The following RFC3 variants were observed in gnomAD, a reference collection of about 807,000 sequenced individuals.
RFC3 encodes the protein A1 38 kDa subunit.
In RFC3, 41 loss-of-function variants were observed where a neutral mutation model predicts 45.1. The ratio of observed to expected loss-of-function variants is 0.91; its 90% confidence interval spans 0.71 to 1.18. The LOEUF (loss-of-function observed/expected upper bound fraction) is 1.18, where lower values mean the gene tolerates loss of function less well. Among genes scored for constraint, RFC3 ranks in the 50% most tolerant of loss-of-function variants. The pLI is 0.00. For synonymous variants in RFC3, 149 were observed against 144.0 expected, an observed-to-expected ratio of 1.03 and a Z score of -0.25; for missense variants, 423 against 428.1, an observed-to-expected ratio of 0.99 and a Z score of 0.10.
At chr13:33,930,554 C>T (rs868192429) in intron 8 of RFC3, among the ~76,000 whole-genome samples, 2 of 152,112 alleles carry the variant, frequency 1.3e-5, no homozygotes, top group African/African-American at 4.8e-5. Flanking sequence ...GGGTCTGTCT[C>T]TCTGAGTCCA....
At chr13:33,917,604 G>C (rs887237208) in intron 8 of RFC3, among the ~76,000 whole-genome samples, 4 of 152,072 alleles carry the variant, frequency 2.6e-5, no homozygotes, top group African/African-American at 2.4e-5. Context: ...AGCACAACCT[G>C]GTGGTCGTGG....
intron 6 of RFC3, 149 bp downstream of exon 6, chr13:33,831,004 G>A (rs2082097273): frequency 1.5e-6 from 1 of 668,488 alleles, no homozygotes; most frequent in Admixed American, 3.0e-5. Context: ...AGATTATTAA[G>A]CATTAGATTT....
chr13:33,960,785 A>G (rs1028230422), intron 8 of RFC3, among the ~76,000 whole-genome samples: 1 of 152,208 alleles, frequency 6.6e-6, no homozygotes, highest in Non-Finnish European at 1.5e-5. Context: ...CTCATGCCCC[A>G]GATGGAGACC....
At chr13:33,911,383 CTCTT>C (rs1452453065) in intron 8 of RFC3, among the ~76,000 whole-genome samples, 1 of 152,050 alleles carries the variant, frequency 6.6e-6, no homozygotes, top group Non-Finnish European at 1.5e-5. Context: ...ATGACTTATA[CTCTT>C]TCTTAACTAG....
chr13:33,964,192 A>G (rs981836597), intron 8 of RFC3, among the ~76,000 whole-genome samples: 6 of 152,234 alleles, frequency 3.9e-5, no homozygotes, highest in Admixed American at 2.0e-4. Flanking sequence ...ATGTGTATTT[A>G]TAAAGGAGGC....
intron 8 of RFC3, among the ~76,000 whole-genome samples, chr13:33,882,769 A>G (rs1479698841): frequency 6.6e-6 from 1 of 152,232 alleles, no homozygotes; most frequent in Non-Finnish European, 1.5e-5. Flanking sequence ...CTTCTTTTAT[A>G]TTCACACTTT....
chr13:33,846,419 A>G (rs2082237211), intron 8 of RFC3: 1 of 152,282 alleles, frequency 6.6e-6, no homozygotes, highest in Non-Finnish European at 1.5e-5. Flanking sequence ...AGGTCCTGGA[A>G]TGAGGCCCTC....
chr13:33,976,868 T>C, the RFC3 span, among the ~76,000 whole-genome samples: 16 of 151,910 alleles, frequency 1.1e-4, no homozygotes, highest in African/African-American at 3.9e-4. Flanking sequence ...GAGTTTAGCA[T>C]GAAAAAGGGA....
downstream of RFC3, among the ~76,000 whole-genome samples, chr13:33,837,894 G>T (rs2082169825): frequency 6.6e-6 from 1 of 151,138 alleles, no homozygotes; most frequent in Non-Finnish European, 1.5e-5. Context: ...TGATATTTTA[G>T]GTTTTCATTT....
chr13:33,957,504 T>TA (rs1242638200), intron 8 of RFC3, among the ~76,000 whole-genome samples: 18 of 152,176 alleles, frequency 1.2e-4, no homozygotes, highest in African/African-American at 4.3e-4. Flanking sequence ...CCGTACCACT[T>TA]ATGACTACTG....
chr13:33,936,609 G>A (rs905383277), intron 8 of RFC3, among the ~76,000 whole-genome samples: 3 of 152,108 alleles, frequency 2.0e-5, no homozygotes, highest in Admixed American at 1.3e-4. Context: ...GCAGAGACTG[G>A]GGTGATGCAT....
intron 8 of RFC3, among the ~76,000 whole-genome samples, chr13:33,916,496 C>G (rs1275833631): frequency 1.3e-5 from 2 of 152,106 alleles, no homozygotes; most frequent in East Asian, 3.9e-4. Context: ...GGGTAGAAAG[C>G]ATTCTGCATT....
chr13:33,970,185 G>A (rs941801449), downstream of RFC3, among the ~76,000 whole-genome samples: 1 of 152,236 alleles, frequency 6.6e-6, no homozygotes, highest in Middle Eastern at 3.4e-3. Context: ...AACATGTAGT[G>A]TTTGGTTTTC....
chr13:33,964,556 T>C (rs1339903738), intron 8 of RFC3, among the ~76,000 whole-genome samples: 1 of 152,154 alleles, frequency 6.6e-6, no homozygotes, highest in Non-Finnish European at 1.5e-5. Flanking sequence ...TTCCCCATCA[T>C]CCCCGTCTCC....
intron 8 of RFC3, among the ~76,000 whole-genome samples, chr13:33,871,605 A>G (rs1455544570): frequency 6.6e-6 from 1 of 152,100 alleles, no homozygotes; most frequent in Non-Finnish European, 1.5e-5. Context: ...TGACATATTC[A>G]CAGGTTCCAG....
At position 33,922,988 on chromosome 13, in the gene RFC3, G is replaced by T. The variant is rs558113004; in HGVS notation, c.880-43099G>T. The stretch of plus-strand genomic sequence containing the variant: ...AATCACTGCTGGAATTTTATTGAGT[G>T]TAGACTCCCAGGGAATTGATAAAAG... On this transcript the variant is annotated intron_variant, in intron 8 of 8. Coordinates refer to the RFC3 transcript ENST00000434425. 3.6e-4 allele frequency among the ~76,000 whole-genome samples: 55 copies of T among 152,220 alleles called. No individual in the cohort carries two copies. The Middle Eastern group carries it at 0.017, about 47-fold the overall frequency.
intron 8 of RFC3, among the ~76,000 whole-genome samples, chr13:33,953,074 G>GA (rs1283023280): frequency 6.6e-6 from 1 of 152,032 alleles, no homozygotes; most frequent in Non-Finnish European, 1.5e-5. Context: ...ACATTGAAAA[G>GA]AAAAAGTTTA....
exon 9 of RFC3, chr13:33,966,162 C>G (rs749349099): frequency 2.6e-6 from 4 of 1,541,306 alleles, no homozygotes; most frequent in Non-Finnish European, 3.6e-6. Flanking sequence ...GACTGGACTT[C>G]TCTCATCTTT....
chr13:33,824,949 G>GT (rs2082035471), intron 3 of RFC3, among the ~76,000 whole-genome samples: 2 of 152,236 alleles, frequency 1.3e-5, no homozygotes, highest in South Asian at 4.1e-4. Context: ...GAAAATGATC[G>GT]TAAGAGCAAC....
Sources: gnomAD v4.1 joint callset for allele counts (sites outside exome capture counted in the v4.1 genomes callset) on GRCh38, gnomAD v4.1.1 for gene constraint, MANE v1.5 for transcripts, NCBI Gene and HGNC (gene_info 2026-07-23, HGNC 2026-07-21) for gene names.